Variants in USP40 observed in about 807,000 individuals in gnomAD.
USP40 encodes the protein ubiquitin specific peptidase 40.
A neutral mutation model predicts 166.2 loss-of-function variants in USP40; 143 were observed. The observed-to-expected ratio is 0.86, with a 90% CI of 0.75 to 0.99. The LOEUF (loss-of-function observed/expected upper bound fraction) is 0.99. USP40 is among the 50% of genes least tolerant of loss of function. The pLI is 0.00. For synonymous variants in USP40, 498 were observed against 524.0 expected, an observed-to-expected ratio of 0.95 and a Z score of 0.68; for missense variants, 1,444 against 1,479.7, an observed-to-expected ratio of 0.98 and a Z score of 0.40.
rs534074183 is a variant in USP40, at chr2:233,534,097, G to C, written c.1171-318C>G. Reference sequence around the variant, plus strand: ...CAGATTAGGTAGAACAAACACTTTTGAAATATTTAAAAGCAATCTAAACAA... The same window carrying C: ...CAGATTAGGTAGAACAAACACTTTTCAAATATTTAAAAGCAATCTAAACAA... On this transcript the variant is annotated intron_variant, in intron 10 of 31. Coordinates refer to ENST00000678225, the MANE Select transcript of USP40 (RefSeq NM_001365479.2). Among the ~76,000 whole-genome samples the C allele has an allele frequency of 9.9e-5, 15 of 152,244 alleles. 2 individuals are homozygous for C. In the South Asian group the frequency reaches 3.1e-3, roughly 32 times the overall value.
At chr2:233,544,621 ACTC>A (rs1317492423) in intron 8 of USP40, among the ~76,000 whole-genome samples, 1 of 152,056 alleles carries the variant, frequency 6.6e-6, no homozygotes, top group Admixed American at 6.6e-5. Context: ...AACAAAAGAC[ACTC>A]CTATCACTCA....
At chr2:233,477,914 G>T (rs2064276300) in intron 31 of USP40, among the ~76,000 whole-genome samples, 1 of 152,236 alleles carries the variant, frequency 6.6e-6, no homozygotes, top group Non-Finnish European at 1.5e-5. Flanking sequence ...CTTCAGTCTT[G>T]CCCGGAGAGA....
In USP40 at chr2:233,476,935, T is replaced by G. The variant is rs1335904916; in HGVS notation, c.*457A>C. 1 of 267,052 alleles carries G rather than the reference T, an allele frequency of 3.7e-6. No homozygotes were observed. The allele number at this position is 267,052 out of a possible 1,614,324, so 16.5% of individuals were successfully genotyped here. On this transcript the variant is annotated 3_prime_UTR_variant, in exon 32 of 32. Transcript: ENST00000678225. The stretch of plus-strand genomic sequence containing the variant: ...CCGCTTCTGCTCAGCACCAGCGCGG[T>G]GGCGCAGTGGCCTGAGACACTGTGA...
chr2:233,498,644 A>T, intron 22 of USP40, 32 bp from the exon 23 acceptor site: 1 of 1,595,098 alleles, frequency 6.3e-7, no homozygotes, highest in Admixed American at 1.7e-5. Context: ...GATAAAAAAA[A>T]TTCAAAGTTA....
At chr2:233,566,647 G>A (rs2072188197) in intron 1 of USP40, 37 bp downstream of exon 1, 1 of 973,626 alleles carries the variant, frequency 1.0e-6, no homozygotes, top group Non-Finnish European at 1.2e-6. Context: ...CGCTTCCCAC[G>A]TCCCTCCCAG....
chr2:233,555,738 C>T (rs1485318835), intron 5 of USP40, among the ~76,000 whole-genome samples: 1 of 150,052 alleles, frequency 6.7e-6, no homozygotes, highest in Non-Finnish European at 1.5e-5. Context: ...CGGGTTCAAG[C>T]GATTCTCCTG....
intron 27 of USP40, among the ~76,000 whole-genome samples, chr2:233,488,935 G>GAAAGAAAGA (rs1260221704): frequency 2.0e-5 from 3 of 151,800 alleles, no homozygotes; most frequent in African/African-American, 7.3e-5. Flanking sequence ...GGAAAGAAAG[G>GAAAGAAAGA]AAAGAAAGAA....
intron 18 of USP40, among the ~76,000 whole-genome samples, chr2:233,518,644 A>T (rs1357910828): frequency 6.6e-6 from 1 of 152,016 alleles, no homozygotes; most frequent in Non-Finnish European, 1.5e-5. Flanking sequence ...ACCCTGACAC[A>T]CTGCTAGTGG....
intron 5 of USP40, among the ~76,000 whole-genome samples, chr2:233,556,064 T>C (rs182753260): frequency 0.013 from 1,897 of 148,906 alleles, 36 homozygotes; most frequent in East Asian, 0.084. Context: ...TGCAGTGAGC[T>C]GAGATCGTGC....
At chr2:233,508,773 T>C (rs2066602064) in intron 21 of USP40, among the ~76,000 whole-genome samples, 1 of 152,244 alleles carries the variant, frequency 6.6e-6, no homozygotes, top group Non-Finnish European at 1.5e-5. Context: ...AAAAATGCTT[T>C]ATTTTTTACC....
intron 30 of USP40, among the ~76,000 whole-genome samples, chr2:233,482,510 C>T (rs532533575): frequency 2.4e-4 from 37 of 151,922 alleles, no homozygotes; most frequent in East Asian, 9.7e-4. Context: ...GTTGTATCGA[C>T]GGGCATCTGT....
intron 21 of USP40, among the ~76,000 whole-genome samples, chr2:233,505,419 T>C (rs2066355019): frequency 6.6e-6 from 1 of 151,948 alleles, no homozygotes; most frequent in Non-Finnish European, 1.5e-5. Context: ...TTTTAATAGA[T>C]AAAATTGGCA....
Position 233,540,816 on chromosome 2 carries a change from T to C in USP40, c.1063-47A>G, listed in dbSNP as rs1545525. ...CTCAAGAAAATCTGATGAGAAATAA[T>C]TGCATACTTAACAAATTCAAAGAGA... On this transcript the variant is annotated intron_variant, in intron 9 of 31. Transcript: ENST00000678225. The C allele has an allele frequency of 0.79, 1,131,243 of 1,439,346 alleles. 446,370 individuals carry two copies. Among genetic ancestry groups the C allele is most frequent in the East Asian group, 0.9 (39,512 of 43,872 alleles). The allele number at this position is 1,439,346 out of a possible 1,614,324, so 89.2% of individuals were successfully genotyped here. A position where few individuals can be genotyped will look rare whatever the true frequency, so the allele number is the denominator to read the frequency against.
At position 233,511,785 on chromosome 2, in the gene USP40, T is replaced by C. The variant is rs2066858449; in HGVS notation, c.2450A>G (p.Tyr817Cys). The C allele has an allele frequency of 1.2e-6, 2 of 1,609,992 alleles. No homozygotes were observed. The highest frequency in any genetic ancestry group is 1.7e-6 in the Non-Finnish European group (2 of 1,178,228). Residue 817 changes from tyrosine to cysteine, a missense_variant, in exon 20 of 32, where the codon TAT becomes TGT. Tyr to Cys is a radical substitution (Grantham distance 194). Transcript: ENST00000678225. ...CTTCAATTCTGCTTCCTTCAAAGTA[T>C]AGCTGTCCGGCACTTAAAAAAATTT... ...GKLLCPVPDS[Y>C]TLKEAELKMG...
At chr2:233,488,159 A>C in intron 28 of USP40, 80 bp downstream of exon 28, 1 of 1,181,408 alleles carries the variant, frequency 8.5e-7, no homozygotes, top group Non-Finnish European at 1.2e-6. Flanking sequence ...ATGCTACACT[A>C]TGAAGTTGTT....
rs1272564709 is a variant in USP40 at position 233,554,425 on chromosome 2, G to T, written c.648C>A (p.Asn216Lys). The change falls in exon 6 of 32, where the codon AAC becomes AAA. Residue 216 changes from asparagine (N) to lysine (K), a missense_variant. Asn to Lys is a moderately conservative substitution (Grantham distance 94). Transcript: ENST00000678225. ...TGTCACAAGTTCCACAGTGGTACAA[G>T]TTGTCACAATCAAAAACTTCCTCTT... ...YVEEEVFDCD[N>K]LYHCGTCDRL... is the part of the protein sequence containing the mutation. 27 of 1,613,110 alleles carry T rather than the reference G, an allele frequency of 1.7e-5. No individual in the cohort carries two copies. The highest frequency in any genetic ancestry group is 2.3e-5 in the Non-Finnish European group (27 of 1,179,602).
rs370749840 is a variant in USP40 at position 233,493,479 on chromosome 2, G to C, written c.2863C>G (p.Gln955Glu). 3.7e-6 allele frequency: 6 copies of C among 1,613,938 alleles called. No individual in the cohort carries two copies. The highest frequency in any genetic ancestry group is 5.1e-6 in the Non-Finnish European group (6 of 1,179,878). Residue 955 changes from glutamine to glutamate, a missense_variant, in exon 25 of 32, where the codon CAG becomes GAG. By Grantham distance (29) the Gln-to-Glu change is conservative. Coordinates refer to ENST00000678225, the MANE Select transcript of USP40 (RefSeq NM_001365479.2). The surrounding 1 kb of genome is among the most constrained non-coding windows in gnomAD (Gnocchi z 4.7). ...CCCCAAGACGAAGTACAGTTGGTCT[G>C]GTCCTGATGACTCTCCCAGTGTCCT... ...PSGHWESHQD[Q>E]TNCTSSWGRV...
intron 8 of USP40, among the ~76,000 whole-genome samples, chr2:233,542,800 T>C (rs2069547311): frequency 6.6e-6 from 1 of 152,200 alleles, no homozygotes; most frequent in Non-Finnish European, 1.5e-5. Flanking sequence ...TCCTGGACAA[T>C]TTACTTCATC....
chr2:233,475,584 C>A lies in USP40; in HGVS notation c.*1808G>T, dbSNP rs1419191704. ...AACAAAATCGTACAGCTTTCTCAATCCCCAAATTAAAAAAACAGAAAACAG... is the reference window on the plus strand; with the variant it reads ...AACAAAATCGTACAGCTTTCTCAATACCCAAATTAAAAAAACAGAAAACAG... On this transcript the variant is annotated 3_prime_UTR_variant, in exon 32 of 32. Transcript: ENST00000678225. 2.0e-5 allele frequency: 3 copies of A among 152,330 alleles called. No individual in the cohort carries two copies. The highest frequency in any genetic ancestry group is 4.4e-5 in the Non-Finnish European group (3 of 68,042). The allele number at this position is 152,330 out of a possible 1,614,324, so 9.4% of individuals were successfully genotyped here.
Sources: allele counts gnomAD v4.1 joint callset (sites outside exome capture counted in the v4.1 genomes callset), GRCh38; gene constraint gnomAD v4.1.1; non-coding constraint Gnocchi (gnomAD v3.1); transcripts MANE v1.5; gene names NCBI Gene and HGNC (gene_info 2026-07-23, HGNC 2026-07-21).